The following PTPRQ variants were observed in gnomAD, a reference collection of about 807,000 sequenced individuals.
PTPRQ encodes the protein protein tyrosine phosphatase receptor type Q, also known as phosphatidylinositol phosphatase PTPRQ.
A neutral mutation model predicts 246.0 loss-of-function variants in PTPRQ; 199 were observed. That is an observed-to-expected ratio of 0.81 (90% CI 0.72 to 0.91). PTPRQ has a LOEUF of 0.91. PTPRQ is among the 40% of genes least tolerant of loss of function. PTPRQ has a pLI of 0.00. For missense variants in PTPRQ, 2,624 were observed against 2,528.4 expected (o/e 1.04, Z -0.81); for synonymous variants, 869 against 853.2 (o/e 1.02, Z -0.32).
intron 43 of PTPRQ, among the ~76,000 whole-genome samples, chr12:80,673,769 A>G (rs925083684): frequency 4.6e-5 from 7 of 152,254 alleles, no homozygotes; most frequent in African/African-American, 1.7e-4. Context: ...TTATTGTAGC[A>G]CGCTATCAAC....
At position 80,445,351 on chromosome 12, in the gene PTPRQ, T is replaced by C. The variant is rs142077279; in HGVS notation, c.164-140T>C. On this transcript the variant is annotated intron_variant, in intron 2 of 44. Coordinates refer to ENST00000644991, the MANE Select transcript of PTPRQ (RefSeq NM_001145026.2). ...ATTCCACATAGTATTTTTTTAATAG[T>C]AACAGAGCTGTAGGGAGTGTGAACT... The C allele has an allele frequency of 2.4e-3, 1,347 of 554,020 alleles. 12 individuals carry two copies. The highest frequency in any genetic ancestry group is 0.017 in the African/African-American group (900 of 52,504). 34.3% of individuals were successfully genotyped at this position (554,020 alleles called of 1,614,324 possible).
intron 25 of PTPRQ, among the ~76,000 whole-genome samples, chr12:80,556,602 A>T (rs1226518002): frequency 6.6e-6 from 1 of 152,186 alleles, no homozygotes; most frequent in African/African-American, 2.4e-5. Flanking sequence ...GTTTATCAGT[A>T]TGCTATGAGA....
chr12:80,665,355 T>C (rs1286662701), intron 39 of PTPRQ, among the ~76,000 whole-genome samples: 1 of 152,038 alleles, frequency 6.6e-6, no homozygotes, highest in East Asian at 1.9e-4. Context: ...ATCGCAGTGA[T>C]GTCATCCAAT....
Position 80,496,081 on chromosome 12 carries a change from C to T in PTPRQ, c.1965C>T (p.Asp655=), listed in dbSNP as rs1894610517. 1.3e-6 allele frequency: 2 copies of T among 1,548,852 alleles called. No homozygotes were observed. Among genetic ancestry groups the T allele is most frequent in the Non-Finnish European group, 1.7e-6 (2 of 1,146,032 alleles). ...VGESSLSEEN[D]IFVRTSEDEP... ...AAAGTTCTTTGTCTGAAGAAAATGA[C>T]ATCTTTGTGAGAACTTCAGAAGATG... Residue 655 remains aspartate, a synonymous_variant, in exon 13 of 45, where the codon GAC becomes GAT. Transcript: ENST00000644991.
chr12:80,634,003 T>C (rs945389827), intron 34 of PTPRQ, among the ~76,000 whole-genome samples: 46 of 152,334 alleles, frequency 3.0e-4, no homozygotes, highest in African/African-American at 8.7e-4. Context: ...CACCCTGAAA[T>C]GTGCTTCCTC....
At chr12:80,534,725 G>A (rs533191386) in intron 18 of PTPRQ, among the ~76,000 whole-genome samples, 167 bp from the exon 19 acceptor site, 4 of 151,936 alleles carry the variant, frequency 2.6e-5, no homozygotes, top group Non-Finnish European at 5.9e-5. Context: ...TATTAGAGGG[G>A]TGACCCAATG....
chr12:80,503,818 C>A (rs992012615), intron 14 of PTPRQ, among the ~76,000 whole-genome samples: 1 of 151,662 alleles, frequency 6.6e-6, no homozygotes, highest in African/African-American at 2.4e-5. Flanking sequence ...AAAGCATTAT[C>A]CCTCAATTTT....
At chr12:80,478,834 TA>T (rs1275772513) in intron 8 of PTPRQ, among the ~76,000 whole-genome samples, 3 of 151,974 alleles carry the variant, frequency 2.0e-5, no homozygotes, top group Non-Finnish European at 4.4e-5. Flanking sequence ...GAAAAATGAA[TA>T]AAAAGAAATG....
In PTPRQ at chr12:80,661,079, AAC is replaced by A. The variant is rs1036240016; in HGVS notation, c.6192+3022_6192+3023del. Among the ~76,000 whole-genome samples the A allele has an allele frequency of 2.0e-5, 3 of 151,892 alleles. No individual in the cohort carries two copies. The East Asian group carries it at 5.8e-4, about 29-fold the overall frequency. ...TTCAATATGAATTGAGGACCCCTAA[AAC>A]ACATACATATGAAAACACAAACACA... On this transcript the variant is annotated intron_variant, in intron 39 of 44. Transcript: ENST00000644991.
intron 25 of PTPRQ, among the ~76,000 whole-genome samples, chr12:80,584,411 G>A (rs528437404): frequency 7.2e-5 from 11 of 152,200 alleles, no homozygotes; most frequent in South Asian, 6.2e-4. Context: ...ACCTAATTTC[G>A]TCTTTCCTGG....
Position 80,588,450 on chromosome 12 carries a change from G to A in PTPRQ, c.4607G>A (p.Gly1536Asp). Residue 1536 changes from glycine to aspartate, a missense_variant and splice_region_variant, in exon 26 of 45, where the codon GGC becomes GAC. Physicochemically the swap from Gly to Asp is moderately conservative, Grantham distance 94. Transcript: ENST00000644991. The stretch of plus-strand genomic sequence containing the variant: ...TGGATTTCTACAAAAACTCTGCCTG[G>A]CCGTGAGTATTGTCCTGACATGTAC... Reference protein sequence around the residue: ...SNWISTKTLPGPPDGPPENVH... With the variant: ...SNWISTKTLPDPPDGPPENVH... 6.8e-7 allele frequency: 1 copy of A among 1,476,584 alleles called. No individual in the cohort carries two copies. The highest frequency in any genetic ancestry group is 9.0e-7 in the Non-Finnish European group (1 of 1,112,534). 91.5% of individuals were successfully genotyped at this position (1,476,584 alleles called of 1,614,324 possible).
In PTPRQ at chr12:80,493,468, T is replaced by C. The variant is rs894014416; in HGVS notation, c.1540+13T>C. ...ACTTCACCAGTTGGTAGGTAGAATT[T>C]TGATTTTCTATAAAGTTCATTTAAA... On this transcript the variant is annotated intron_variant, in intron 10 of 44. Transcript: ENST00000644991. The C allele has an allele frequency of 1.9e-6, 3 of 1,544,854 alleles. No homozygotes were observed. Among genetic ancestry groups the C allele is most frequent in the Admixed American group, 2.0e-5 (1 of 50,350 alleles).
chr12:80,481,790 A>C (rs1481809885), intron 8 of PTPRQ, among the ~76,000 whole-genome samples: 1 of 152,154 alleles, frequency 6.6e-6, no homozygotes, highest in Non-Finnish European at 1.5e-5. Context: ...TTCAAAGAGA[A>C]TAAAATACCT....
chr12:80,652,923 T>A, intron 38 of PTPRQ, 89 bp downstream of exon 38: 1 of 1,273,564 alleles, frequency 7.9e-7, no homozygotes, highest in Non-Finnish European at 1.0e-6. Flanking sequence ...TATATTTTAT[T>A]TTATATTGTT....
rs1391593803 is a variant in PTPRQ at position 80,541,539 on chromosome 12, C to T, written c.3155-16C>T. ...GTAACTGATGATTTTTGTATTTTGCCCATTACCTATCATAGTACCTGAAGG... is the reference window on the plus strand; with the variant it reads ...GTAACTGATGATTTTTGTATTTTGCTCATTACCTATCATAGTACCTGAAGG... On this transcript the variant is annotated splice_polypyrimidine_tract_variant and intron_variant, in intron 20 of 44. Transcript: ENST00000644991. The T allele has an allele frequency of 2.1e-6, 3 of 1,442,676 alleles. No homozygotes were observed. Among genetic ancestry groups the T allele is most frequent in the Admixed American group, 2.7e-5 (1 of 37,002 alleles). 89.4% of individuals were successfully genotyped at this position (1,442,676 alleles called of 1,614,324 possible).
chr12:80,678,875 A>G (rs1277602515), intron 44 of PTPRQ, 111 bp from the exon 45 acceptor site: 3 of 1,438,732 alleles, frequency 2.1e-6, no homozygotes, highest in African/African-American at 1.4e-5. Context: ...CTCTAATCCA[A>G]GTTGGGCTAA....
chr12:80,659,638 A>AC (rs1900562866), intron 39 of PTPRQ, among the ~76,000 whole-genome samples: 1 of 152,120 alleles, frequency 6.6e-6, no homozygotes, highest in East Asian at 1.9e-4. Context: ...ATTTTCGCAA[A>AC]CCCCCAGTGT....
chr12:80,485,487 A>T (rs1412558682), intron 9 of PTPRQ, among the ~76,000 whole-genome samples: 2 of 152,086 alleles, frequency 1.3e-5, no homozygotes, highest in Admixed American at 1.3e-4. Context: ...TTTCCCCCAC[A>T]CATGCTTTCA....
chr12:80,664,927 T>A (rs2121269391), intron 39 of PTPRQ, among the ~76,000 whole-genome samples: 1 of 152,008 alleles, frequency 6.6e-6, no homozygotes, highest in East Asian at 1.9e-4. Context: ...ACTCTTTTTC[T>A]TGGTGATTGT....
Sources: allele counts gnomAD v4.1 joint callset (sites outside exome capture counted in the v4.1 genomes callset), GRCh38; gene constraint gnomAD v4.1.1; transcripts MANE v1.5; gene names NCBI Gene and HGNC (gene_info 2026-07-23, HGNC 2026-07-21).